DLG2: variants seen among roughly 807,000 people sequenced by gnomAD.
The protein encoded by DLG2 is disks large homolog 2.
In DLG2, 45 loss-of-function variants were observed where a neutral mutation model predicts 132.5. The ratio of observed to expected loss-of-function variants is 0.34; its 90% CI spans 0.27 to 0.44. The LOEUF is 0.44. DLG2 is among the 20% of genes least tolerant of loss of function. The pLI, the probability that DLG2 is intolerant of heterozygous loss-of-function variation, is 1.00. For missense variants in DLG2, 1,045 were observed against 1,196.9 expected, an observed-to-expected ratio of 0.87 and a Z score of 1.87; for synonymous variants, 424 against 419.6, an observed-to-expected ratio of 1.01 and a Z score of -0.13.
At chr11:84,639,877 C>A (rs986312101) in intron 6 of DLG2, 3 of 176,400 alleles carry the variant, frequency 1.7e-5, no homozygotes, top group African/African-American at 7.2e-5. Flanking sequence ...TCCCTCCAGA[C>A]TGACAATAGA....
At chr11:84,625,803 T>C (rs1311575408) in intron 6 of DLG2, among the ~76,000 whole-genome samples, 3 of 152,178 alleles carry the variant, frequency 2.0e-5, no homozygotes, top group African/African-American at 4.8e-5. Flanking sequence ...TAGTTTAACA[T>C]GTGAAAGAAA....
At chr11:84,620,557 G>T (rs1298476905) in intron 6 of DLG2, among the ~76,000 whole-genome samples, 3 of 151,968 alleles carry the variant, frequency 2.0e-5, no homozygotes, top group African/African-American at 7.2e-5. Context: ...CAATATAGGT[G>T]TAAGCACACA....
intron 3 of DLG2, among the ~76,000 whole-genome samples, chr11:85,380,479 G>C (rs545530839): frequency 9.9e-5 from 15 of 152,172 alleles, no homozygotes; most frequent in Admixed American, 1.3e-4. Context: ...GACCGACATG[G>C]AGAAACCCTG....
intron 6 of DLG2, among the ~76,000 whole-genome samples, chr11:84,715,296 G>A (rs1305333528): frequency 6.6e-6 from 1 of 152,056 alleles, no homozygotes; most frequent in Non-Finnish European, 1.5e-5. Context: ...ACAACATAAT[G>A]TTTTGATATA....
chr11:84,855,893 G>A (rs1304088850), intron 6 of DLG2, among the ~76,000 whole-genome samples: 2 of 151,958 alleles, frequency 1.3e-5, no homozygotes, highest in African/African-American at 4.8e-5. Context: ...GAAAAGAAAC[G>A]TGGAAATTTC....
At chr11:85,271,571 G>A (rs548843522) in intron 4 of DLG2, among the ~76,000 whole-genome samples, 1 of 152,254 alleles carries the variant, frequency 6.6e-6, no homozygotes, top group Non-Finnish European at 1.5e-5. Context: ...GCACAGGAAA[G>A]CAGCCAGGAG....
At chr11:84,682,974 T>C (rs1474568530) in intron 6 of DLG2, among the ~76,000 whole-genome samples, 1 of 152,200 alleles carries the variant, frequency 6.6e-6, no homozygotes, top group Non-Finnish European at 1.5e-5. Flanking sequence ...TTTCTCTTTA[T>C]CACAATGCAG....
intron 19 of DLG2, among the ~76,000 whole-genome samples, chr11:83,620,791 A>C (rs1284927435): frequency 7.2e-6 from 1 of 137,992 alleles, no homozygotes; most frequent in Admixed American, 7.8e-5. Flanking sequence ...AATGGCGTGA[A>C]CCCAGGAGGC....
intron 21 of DLG2, among the ~76,000 whole-genome samples, chr11:83,521,047 G>A (rs565609560): frequency 1.1e-3 from 174 of 152,312 alleles, no homozygotes; most frequent in Admixed American, 2.7e-3. Flanking sequence ...AAAGGCTCAG[G>A]CGTCCTTGTT....
chr11:83,690,569 G>T (rs777549021), intron 18 of DLG2, among the ~76,000 whole-genome samples: 4 of 151,260 alleles, frequency 2.6e-5, no homozygotes, highest in Non-Finnish European at 5.9e-5. Flanking sequence ...CACTTATAAG[G>T]GGCAGACACT....
intron 7 of DLG2, among the ~76,000 whole-genome samples, chr11:84,308,676 C>T (rs2098255085): frequency 6.6e-6 from 1 of 152,116 alleles, no homozygotes; most frequent in Non-Finnish European, 1.5e-5. Context: ...GTCCCGAGCC[C>T]TGCCCCGCGG....
intron 11 of DLG2, among the ~76,000 whole-genome samples, chr11:84,020,160 A>C (rs2095348503): frequency 6.6e-6 from 1 of 152,078 alleles, no homozygotes; most frequent in African/African-American, 2.4e-5. Flanking sequence ...ATATTAAAGG[A>C]AAAGGGGATT....
chr11:84,988,855 C>T (rs993501407), intron 6 of DLG2, among the ~76,000 whole-genome samples: 1 of 151,986 alleles, frequency 6.6e-6, no homozygotes, highest in Non-Finnish European at 1.5e-5. Flanking sequence ...TCACCTTTTC[C>T]CCAACAACCT....
At position 83,930,388 on chromosome 11, in the gene DLG2, A is replaced by G; in HGVS notation, c.1436T>C (p.Leu479Pro). The change falls in exon 15 of 28, where the codon CTC becomes CCC. Residue 479 changes from leucine to proline, a missense_variant. Around this residue, in one of 4 missense-constraint regions of DLG2, gnomAD observed 261 missense variants for 256.1 expected, o/e 1.02. Transcript: ENST00000376104. ...GTAGTGGGAATAGGGAGCTGAGAGG[A>G]GGAAGCTTTTGTCACACTCAACAGG... ...YSPVECDKSFLLSAPYSHYHL... is the reference protein window; with the variant it reads ...YSPVECDKSFPLSAPYSHYHL... The G allele has an allele frequency of 6.2e-7, 1 of 1,614,124 alleles. No individual in the cohort carries two copies.
chr11:84,033,820 C>T (rs559499420), intron 11 of DLG2, among the ~76,000 whole-genome samples: 28 of 152,252 alleles, frequency 1.8e-4, no homozygotes, highest in African/African-American at 6.0e-4. Context: ...GGGCAGATCA[C>T]CTAAGGCCAG....
chr11:83,829,869 T>C (rs969731071), intron 17 of DLG2, among the ~76,000 whole-genome samples: 2 of 152,110 alleles, frequency 1.3e-5, no homozygotes, highest in Admixed American at 6.6e-5. Flanking sequence ...TTACATTAGG[T>C]ATATCCCCTA....
chr11:83,848,386 T>C (rs1199052993), intron 16 of DLG2, among the ~76,000 whole-genome samples: 1 of 152,204 alleles, frequency 6.6e-6, no homozygotes, highest in Non-Finnish European at 1.5e-5. Context: ...CACTAATTCA[T>C]ATCTCTAGCT....
At chr11:84,977,335 C>A (rs2154117713) in intron 6 of DLG2, among the ~76,000 whole-genome samples, 1 of 152,250 alleles carries the variant, frequency 6.6e-6, no homozygotes, top group Non-Finnish European at 1.5e-5. Flanking sequence ...TTACTACAGG[C>A]AGTTTTTATA....
At chr11:84,932,520 C>T (rs1282645134) in intron 6 of DLG2, among the ~76,000 whole-genome samples, 1 of 152,096 alleles carries the variant, frequency 6.6e-6, no homozygotes, top group Non-Finnish European at 1.5e-5. Context: ...TCACCCCCAC[C>T]ACACAACAGG....
Sources: allele counts gnomAD v4.1 joint callset (sites outside exome capture counted in the v4.1 genomes callset), GRCh38; gene constraint gnomAD v4.1.1; regional missense constraint gnomAD v4.1.1; transcripts MANE v1.5; gene names NCBI Gene and HGNC (gene_info 2026-07-23, HGNC 2026-07-21).